Variants in NRXN1 observed in about 807,000 individuals in gnomAD.
The protein encoded by NRXN1 is neurexin 1.
In NRXN1, 39 loss-of-function variants were observed where a neutral mutation model predicts 150.9. The ratio of observed to expected loss-of-function variants is 0.26; its 90% CI spans 0.20 to 0.34. The LOEUF (loss-of-function observed/expected upper bound fraction) is 0.34, where lower values mean the gene tolerates loss of function less well. Ranked by LOEUF, NRXN1 falls within the 10% of genes least tolerant of loss-of-function variation. NRXN1 has a pLI of 1.00. For synonymous variants in NRXN1, 924 were observed against 757.0 expected (o/e 1.22, Z -3.62); for missense variants, 1,815 against 1,949.9 (o/e 0.93, Z 1.30).
Position 50,482,048 on chromosome 2 carries a change from G to A in NRXN1, c.3071-9577C>T, listed in dbSNP as rs112695139. ...CTCCCAAAGTGCTGGGATTACAGGC[G>A]TGAGCCACCGCGCCCGGCCGAACTT... is the stretch of plus-strand genomic sequence containing the variant. On this transcript the variant is annotated intron_variant, in intron 15 of 22. Coordinates refer to ENST00000401669, the MANE Select transcript of NRXN1 (RefSeq NM_001330078.2). 3.6e-4 allele frequency among the ~76,000 whole-genome samples: 50 copies of A among 137,466 alleles called. 7 individuals carry two copies. Among genetic ancestry groups the A allele is most frequent in the African/African-American group, 1.5e-3 (43 of 27,910 alleles). The allele number at this position is 137,466 out of a possible 152,430, so 90.2% of individuals were successfully genotyped here.
chr2:50,682,512 C>T (rs891808664), intron 5 of NRXN1, among the ~76,000 whole-genome samples: 5 of 152,142 alleles, frequency 3.3e-5, no homozygotes, highest in Admixed American at 1.3e-4. Context: ...AGCATCGTGA[C>T]TTGGTTGACA....
At chr2:50,342,466 T>C (rs1344076600) in intron 17 of NRXN1, among the ~76,000 whole-genome samples, 1 of 152,238 alleles carries the variant, frequency 6.6e-6, no homozygotes, top group East Asian at 1.9e-4. Context: ...TAAAGCTAAA[T>C]ATTTCCCCAA....
chr2:50,781,789 T>G (rs780946493), intron 5 of NRXN1, among the ~76,000 whole-genome samples: 17 of 152,130 alleles, frequency 1.1e-4, no homozygotes, highest in Non-Finnish European at 2.4e-4. Context: ...GTTAATAGAG[T>G]ATGCTCAGGA....
chr2:50,219,667 G>T (rs760930708), intron 18 of NRXN1, among the ~76,000 whole-genome samples: 1 of 150,792 alleles, frequency 6.6e-6, no homozygotes, highest in Non-Finnish European at 1.5e-5. Context: ...CAGGAGGATC[G>T]CTTGAGCCCA....
intron 2 of NRXN1, among the ~76,000 whole-genome samples, chr2:50,970,345 T>C (rs1694810838): frequency 6.6e-6 from 1 of 152,100 alleles, no homozygotes; most frequent in Non-Finnish European, 1.5e-5. Flanking sequence ...GGCCTTCATT[T>C]GGTGATATTG....
At chr2:50,470,254 TTC>T (rs1265363780) in intron 16 of NRXN1, among the ~76,000 whole-genome samples, 2 of 151,806 alleles carry the variant, frequency 1.3e-5, no homozygotes, top group Admixed American at 1.3e-4. Flanking sequence ...TTGTATCACA[TTC>T]TTGTGTTCAT....
intron 5 of NRXN1, among the ~76,000 whole-genome samples, chr2:50,866,051 C>T (rs1189193132): frequency 6.6e-6 from 1 of 151,740 alleles, no homozygotes; most frequent in Non-Finnish European, 1.5e-5. Flanking sequence ...CTACCTCCCA[C>T]CATTTGGCCA....
At chr2:50,211,381 G>C (rs927708896) in intron 18 of NRXN1, among the ~76,000 whole-genome samples, 1 of 151,412 alleles carries the variant, frequency 6.6e-6, no homozygotes, top group African/African-American at 2.4e-5. Flanking sequence ...ATCCAAAATA[G>C]TACTTAATAA....
intron 2 of NRXN1, among the ~76,000 whole-genome samples, chr2:50,933,126 G>A (rs1175011953): frequency 1.3e-5 from 2 of 152,168 alleles, no homozygotes; most frequent in South Asian, 4.2e-4. Context: ...TTATAAATGT[G>A]TTTACCCATG....
In NRXN1 at chr2:51,028,049, G is replaced by A; in HGVS notation, c.225C>T (p.Phe75=). The stretch of plus-strand genomic sequence containing the variant: ...TCAGAATCAGCTCCAGGAAGTCGCA[G>A]AAGCCCTCGTCGTCGAAGTAGAGCA... ...GLVLYFDDEG[F]CDFLELILTR... Residue 75 remains phenylalanine, a synonymous_variant, in exon 2 of 23, where the codon TTC becomes TTT. Coordinates refer to ENST00000401669, the MANE Select transcript of NRXN1 (RefSeq NM_001330078.2). The A allele has an allele frequency of 1.9e-6, 3 of 1,599,060 alleles. No homozygotes were observed. In the East Asian group the frequency reaches 6.7e-5, roughly 36 times the overall value.
intron 17 of NRXN1, among the ~76,000 whole-genome samples, chr2:50,440,268 T>C (rs979110673): frequency 1.3e-5 from 2 of 152,050 alleles, no homozygotes; most frequent in African/African-American, 2.4e-5. Context: ...CCAGATGACA[T>C]AGGGTCCAGA....
chr2:50,066,849 T>C (rs1032261675), intron 19 of NRXN1, among the ~76,000 whole-genome samples: 5 of 152,230 alleles, frequency 3.3e-5, no homozygotes, highest in Admixed American at 1.3e-4. Flanking sequence ...TTTATATTAT[T>C]GATACTGCAT....
chr2:50,118,497 G>A (rs1175351499), intron 18 of NRXN1, among the ~76,000 whole-genome samples: 2 of 151,270 alleles, frequency 1.3e-5, no homozygotes, highest in African/African-American at 4.9e-5. Context: ...GTTTGACTAT[G>A]ACATTCTAAT....
intron 5 of NRXN1, among the ~76,000 whole-genome samples, chr2:50,851,573 G>C (rs1344141182): frequency 1.3e-5 from 2 of 151,988 alleles, no homozygotes; most frequent in Admixed American, 1.3e-4. Context: ...AGCTACTCCT[G>C]TACATCAGGA....
At chr2:50,459,678 T>C (rs927414107) in intron 17 of NRXN1, among the ~76,000 whole-genome samples, 1 of 152,198 alleles carries the variant, frequency 6.6e-6, no homozygotes, top group Non-Finnish European at 1.5e-5. Context: ...TTCTATGGTG[T>C]ATATGTACCA....
intron 8 of NRXN1, among the ~76,000 whole-genome samples, chr2:50,568,112 G>A (rs867087613): frequency 6.6e-6 from 1 of 152,042 alleles, no homozygotes; most frequent in African/African-American, 2.4e-5. Context: ...AACAAACCAA[G>A]CCTCTCAAAG....
At chr2:50,735,553 A>T (rs1465783415) in intron 5 of NRXN1, among the ~76,000 whole-genome samples, 1 of 152,148 alleles carries the variant, frequency 6.6e-6, no homozygotes, top group African/African-American at 2.4e-5. Context: ...CATATCCCAT[A>T]TCCTAAGACA....
At chr2:50,828,315 A>AC (rs571048220) in intron 5 of NRXN1, among the ~76,000 whole-genome samples, 2 of 142,306 alleles carry the variant, frequency 1.4e-5, no homozygotes, top group Admixed American at 6.8e-5. Flanking sequence ...GCTGGCCGGG[A>AC]GGGGGCTGAA....
At chr2:50,113,089 T>C (rs1702587793) in intron 18 of NRXN1, among the ~76,000 whole-genome samples, 1 of 152,196 alleles carries the variant, frequency 6.6e-6, no homozygotes, top group Non-Finnish European at 1.5e-5. Flanking sequence ...TACCCCTAGA[T>C]TTGATTCCTG....
Sources: gnomAD v4.1 joint callset for allele counts (sites outside exome capture counted in the v4.1 genomes callset) on GRCh38, gnomAD v4.1.1 for gene constraint, MANE v1.5 for transcripts, NCBI Gene and HGNC (gene_info 2026-07-23, HGNC 2026-07-21) for gene names.